Variants in CCT8 observed in about 807,000 individuals in gnomAD.
The protein encoded by CCT8 is chaperonin containing TCP1 subunit 8.
CCT8 carries 10 observed loss-of-function variants against 65.7 expected under a neutral mutation model. The ratio of observed to expected loss-of-function variants is 0.15; its 90% CI spans 0.09 to 0.26. CCT8 has a LOEUF of 0.26. Ranked by LOEUF, CCT8 falls within the 10% of genes least tolerant of loss-of-function variation. The pLI, the probability that CCT8 is intolerant of heterozygous loss-of-function variation, is 1.00. For synonymous variants in CCT8, 199 were observed against 221.8 expected, an observed-to-expected ratio of 0.90 and a Z score of 0.92; for missense variants, 568 against 669.1, an observed-to-expected ratio of 0.85 and a Z score of 1.67.
intron 14 of CCT8, chr21:29,060,206 C>A (rs1456501326): frequency 5.9e-6 from 1 of 168,230 alleles, no homozygotes; most frequent in Non-Finnish European, 1.3e-5. Flanking sequence ...TATCTGCAGA[C>A]AGCTAGAGAC....
chr21:29,063,857 C>T lies in CCT8; in HGVS notation c.763-327G>A, dbSNP rs529253058. ...TCTCGGCTCACCGCAACCTCTGACT[C>T]CCTGGTTCAAGCGATTCTCCTGCCT... is the stretch of plus-strand genomic sequence containing the variant. On this transcript the variant is annotated intron_variant, in intron 7 of 14. Coordinates refer to ENST00000286788, the MANE Select transcript of CCT8 (RefSeq NM_006585.4). Among the ~76,000 whole-genome samples the T allele has an allele frequency of 8.5e-5, 13 of 152,274 alleles. No individual in the cohort carries two copies. In the South Asian group the frequency reaches 1.5e-3, roughly 17 times the overall value.
intron 7 of CCT8, among the ~76,000 whole-genome samples, chr21:29,064,461 A>G (rs1467845787): frequency 6.7e-6 from 1 of 150,060 alleles, no homozygotes; most frequent in Middle Eastern, 3.2e-3. Context: ...AAAATAAAAT[A>G]TGGACCAAAT....
chr21:29,062,912 G>T (rs759207980), intron 8 of CCT8: 6 of 340,992 alleles, frequency 1.8e-5, no homozygotes, highest in Non-Finnish European at 3.2e-5. Flanking sequence ...TTTACTTTGT[G>T]CAATCAATGT....
Position 29,066,968 on chromosome 21 carries a change from G to T in CCT8, c.485C>A (p.Ser162Tyr), listed in dbSNP as rs1391099884. 3.1e-6 allele frequency: 5 copies of T among 1,613,520 alleles called. No individual in the cohort carries two copies. Among genetic ancestry groups the T allele is most frequent in the Non-Finnish European group, 4.2e-6 (5 of 1,179,574 alleles). Residue 162 changes from serine (S) to tyrosine (Y), a missense_variant, in exon 5 of 15, where the codon TCT becomes TAT. Transcript: ENST00000286788. The part of the protein sequence containing the change: ...KNLRDIDEVS[S>Y]LLRTSIMSKQ... ...ACTCATTATGGAGGTACGAAGTAGA[G>T]ATGAGACTTCATCAATATCTCGAAG...
chr21:29,064,260 G>A (rs2085595403), intron 7 of CCT8, among the ~76,000 whole-genome samples: 1 of 151,528 alleles, frequency 6.6e-6, no homozygotes, highest in Admixed American at 6.6e-5. Flanking sequence ...GCAGTCAGGA[G>A]TTGGAGACCA....
At chr21:29,060,800 G>A (rs1368951236) in intron 13 of CCT8, 140 bp from the exon 14 acceptor site, 1 of 887,354 alleles carries the variant, frequency 1.1e-6, no homozygotes, top group South Asian at 1.7e-5. Context: ...TCATCCTTTA[G>A]TATGTGAGGA....
chr21:29,062,168 G>A lies in CCT8; in HGVS notation c.1172C>T (p.Ala391Val), dbSNP rs761888064. 9.9e-6 allele frequency: 16 copies of A among 1,612,818 alleles called. No individual in the cohort carries two copies. The highest frequency in any genetic ancestry group is 1.8e-4 in the Middle Eastern group (1 of 5,566). Residue 391 changes from alanine to valine, a missense_variant, in exon 11 of 15, where the codon GCA (alanine) becomes GTA (valine). Ala to Val is a moderately conservative substitution (Grantham distance 64). Coordinates refer to ENST00000286788, the MANE Select transcript of CCT8 (RefSeq NM_006585.4). ...GAAAGTATTAACACCATCGTCTACT[G>A]CCCTTTCTATGTCATCCATCAGATT... ...TDNLMDDIER[A>V]VDDGVNTFKV... is the part of the protein sequence containing the mutation.
intron 6 of CCT8, 128 bp from the exon 7 acceptor site, chr21:29,065,233 G>T: frequency 1.1e-6 from 1 of 904,938 alleles, no homozygotes; most frequent in East Asian, 2.5e-5. Context: ...AGTGACTCCT[G>T]GGATAAGGGG....
chr21:29,066,170 T>C (rs915659451), intron 6 of CCT8, among the ~76,000 whole-genome samples: 1 of 151,992 alleles, frequency 6.6e-6, no homozygotes, highest in Non-Finnish European at 1.5e-5. Context: ...TATAAGGAGA[T>C]AATATGTCAA....
At chr21:29,064,039 G>A (rs927928246) in intron 7 of CCT8, among the ~76,000 whole-genome samples, 2 of 152,150 alleles carry the variant, frequency 1.3e-5, no homozygotes, top group African/African-American at 2.4e-5. Flanking sequence ...GATTACAGGC[G>A]TGAGATACCG....
intron 11 of CCT8, 117 bp downstream of exon 11, chr21:29,062,011 C>T (rs969043905): frequency 2.9e-6 from 2 of 700,528 alleles, no homozygotes; most frequent in African/African-American, 3.6e-5. Flanking sequence ...TGCTTCATTT[C>T]ATATAAACCA....
chr21:29,067,893 C>G (rs1315025614), intron 3 of CCT8, among the ~76,000 whole-genome samples, 188 bp from the exon 4 acceptor site: 2 of 152,224 alleles, frequency 1.3e-5, no homozygotes, highest in Admixed American at 6.5e-5. Flanking sequence ...TTATGCCGAT[C>G]AGCACAAATG....
intron 1 of CCT8, chr21:29,071,947 C>T (rs984242756): frequency 1.4e-6 from 1 of 702,416 alleles, no homozygotes; most frequent in Non-Finnish European, 2.6e-6. Flanking sequence ...CTCCTCTGAA[C>T]TTACCATTCT....
intron 4 of CCT8, 80 bp from the exon 5 acceptor site, chr21:29,067,151 T>G: frequency 2.2e-6 from 2 of 926,788 alleles, no homozygotes; most frequent in East Asian, 5.0e-5. Context: ...TGGATGTTTA[T>G]TTTTGATACA....
chr21:29,061,640 TA>T, intron 11 of CCT8, 73 bp from the exon 12 acceptor site: 2 of 1,448,888 alleles, frequency 1.4e-6, no homozygotes, highest in South Asian at 2.3e-5. Flanking sequence ...TGCAGTTTTC[TA>T]ATCTTTTCAC....
intron 1 of CCT8, among the ~76,000 whole-genome samples, chr21:29,071,371 C>G (rs182011083): frequency 1.3e-5 from 2 of 151,922 alleles, no homozygotes; most frequent in Admixed American, 1.3e-4. Context: ...GATCCAAAAC[C>G]AAGGTTAATA....
At chr21:29,058,566 A>C (rs1048830659) in intron 14 of CCT8, among the ~76,000 whole-genome samples, 1 of 151,178 alleles carries the variant, frequency 6.6e-6, no homozygotes, top group Admixed American at 6.6e-5. Flanking sequence ...GTGGGTCTGG[A>C]GTGACATCTG....
chr21:29,065,122 CA>C lies in CCT8; in HGVS notation c.625-18del. The C allele has an allele frequency of 6.2e-7, 1 of 1,611,452 alleles. No homozygotes were observed. Among genetic ancestry groups the C allele is most frequent in the Non-Finnish European group, 8.5e-7 (1 of 1,178,592 alleles). On this transcript the variant is annotated intron_variant, in intron 6 of 14. Coordinates refer to ENST00000286788, the MANE Select transcript of CCT8 (RefSeq NM_006585.4). The stretch of plus-strand genomic sequence containing the variant: ...ACCAGAGCCCTAAGGAATTGAATAC[CA>C]AACTCATCAGCAATCTCCTGAAAAT...
At chr21:29,063,294 T>C in intron 8 of CCT8, 58 bp downstream of exon 8, 1 of 1,383,216 alleles carries the variant, frequency 7.2e-7, no homozygotes, top group Non-Finnish European at 1.0e-6. Flanking sequence ...GTTTAGTGTT[T>C]TCACCACCAA....
Sources: allele counts gnomAD v4.1 joint callset (sites outside exome capture counted in the v4.1 genomes callset), GRCh38; gene constraint gnomAD v4.1.1; transcripts MANE v1.5; gene names NCBI Gene and HGNC (gene_info 2026-07-23, HGNC 2026-07-21).